Variants in ALCAM observed in about 807,000 individuals in gnomAD.
The protein encoded by ALCAM is activated leukocyte cell adhesion molecule.
Under a neutral mutation model 70.9 loss-of-function variants are expected in ALCAM, and 30 were observed. That is an observed-to-expected ratio of 0.42 (90% CI 0.32 to 0.57). ALCAM has a LOEUF of 0.57. Ranked by LOEUF, ALCAM falls within the 20% of genes least tolerant of loss-of-function variation. The pLI, the probability that ALCAM is intolerant of heterozygous loss-of-function variation, is 0.11. For missense variants in ALCAM, 591 were observed against 695.1 expected (o/e 0.85, Z 1.68); for synonymous variants, 249 against 242.5 (o/e 1.03, Z -0.25).
chr3:105,566,996 T>G (rs542101432), intron 14 of ALCAM, among the ~76,000 whole-genome samples: 2 of 152,292 alleles, frequency 1.3e-5, no homozygotes, highest in African/African-American at 4.8e-5. Context: ...GTCTTTCTTT[T>G]GCCTTTAAGT....
intron 1 of ALCAM, among the ~76,000 whole-genome samples, chr3:105,463,822 G>T (rs904548776): frequency 6.6e-6 from 1 of 151,328 alleles, no homozygotes; most frequent in Non-Finnish European, 1.5e-5. Context: ...TTTTGTTACA[G>T]TAGTATTTTC....
intron 7 of ALCAM, among the ~76,000 whole-genome samples, chr3:105,541,136 C>T (rs1210721300): frequency 2.0e-5 from 3 of 151,236 alleles, no homozygotes; most frequent in Non-Finnish European, 4.4e-5. Flanking sequence ...TTGTCATTTT[C>T]TTTTTTTCTT....
At chr3:105,553,661 C>A (rs1399120283) in intron 14 of ALCAM, among the ~76,000 whole-genome samples, 1 of 151,806 alleles carries the variant, frequency 6.6e-6, no homozygotes, top group African/African-American at 2.4e-5. Context: ...GAGGCAGAAG[C>A]TCTGAAATTT....
intron 1 of ALCAM, among the ~76,000 whole-genome samples, chr3:105,482,794 G>T (rs1164611137): frequency 6.6e-6 from 1 of 152,100 alleles, no homozygotes; most frequent in East Asian, 1.9e-4. Flanking sequence ...TTCAGGATTT[G>T]TGATTGAAAT....
At chr3:105,404,426 A>G (rs1000946409) in intron 1 of ALCAM, among the ~76,000 whole-genome samples, 2 of 152,158 alleles carry the variant, frequency 1.3e-5, no homozygotes, top group African/African-American at 4.8e-5. Flanking sequence ...TTGGGGTCCT[A>G]TTTTTAGCCT....
chr3:105,369,563 A>G lies in ALCAM; in HGVS notation c.73+2082A>G, dbSNP rs149943406. On this transcript the variant is annotated intron_variant, in intron 1 of 15. Transcript: ENST00000306107. ...ACAGCACTAAAGGCGCCGTGTCTAC[A>G]CTGAGGAAGCAAGTCTTGGACAGTA... is the stretch of plus-strand genomic sequence containing the variant. Among the ~76,000 whole-genome samples, 504 of 152,332 alleles carry G rather than the reference A, an allele frequency of 3.3e-3. 3 individuals are homozygous for G. Among genetic ancestry groups the G allele is most frequent in the African/African-American group, 0.011 (473 of 41,580 alleles).
rs1397200769 is a variant in ALCAM, at chr3:105,552,176, A to G, written c.1540A>G (p.Ile514Val). The G allele has an allele frequency of 6.2e-7, 1 of 1,604,564 alleles. No homozygotes were observed. Among genetic ancestry groups the G allele is most frequent in the Non-Finnish European group, 8.5e-7 (1 of 1,176,110 alleles). Residue 514 changes from isoleucine to valine, a missense_variant, in exon 13 of 16, where the codon ATA becomes GTA. Ile to Val is a conservative substitution (Grantham distance 29, BLOSUM62 3). Around this residue, in one of 2 missense-constraint regions of ALCAM, gnomAD observed 164 missense variants for 244.7 expected, o/e 0.67. Coordinates refer to ENST00000306107, the MANE Select transcript of ALCAM (RefSeq NM_001627.4). ...SIPEHDEADE[I>V]SDENREKVND... Reference sequence around the variant, plus strand: ...TCCAGAACACGATGAGGCAGACGAGATAAGTGGTAGGTACTATGCTGCCGA... The same window carrying G: ...TCCAGAACACGATGAGGCAGACGAGGTAAGTGGTAGGTACTATGCTGCCGA...
Position 105,495,850 on chromosome 3 carries a change from T to C in ALCAM, c.74-24217T>C, listed in dbSNP as rs150684716. The stretch of plus-strand genomic sequence containing the variant: ...TGTAGAATAGGTCTCAGTTAAATAA[T>C]GCACATGGATGTTTTCCAAAAGAAA... On this transcript the variant is annotated intron_variant, in intron 1 of 15. Transcript: ENST00000306107. Among the ~76,000 whole-genome samples the C allele has an allele frequency of 7.9e-5, 12 of 152,328 alleles. No individual in the cohort carries two copies. The East Asian group carries it at 2.3e-3, about 29-fold the overall frequency.
At chr3:105,517,603 A>G (rs577229256) in intron 1 of ALCAM, among the ~76,000 whole-genome samples, 1 of 152,082 alleles carries the variant, frequency 6.6e-6, no homozygotes, top group East Asian at 1.9e-4. Flanking sequence ...ATCAATCTTT[A>G]ATTTCTCTTT....
intron 1 of ALCAM, among the ~76,000 whole-genome samples, chr3:105,513,157 T>C (rs1452283014): frequency 6.6e-6 from 1 of 151,192 alleles, no homozygotes; most frequent in Non-Finnish European, 1.5e-5. Context: ...TTATCACCAC[T>C]TAAGGGCCTG....
chr3:105,549,908 G>C (rs1219306521), intron 11 of ALCAM, among the ~76,000 whole-genome samples: 1 of 151,254 alleles, frequency 6.6e-6, no homozygotes, highest in Non-Finnish European at 1.5e-5. Flanking sequence ...TTAATTATTA[G>C]AATTCACAAA....
intron 1 of ALCAM, among the ~76,000 whole-genome samples, chr3:105,373,290 T>A (rs1203135446): frequency 6.6e-6 from 1 of 152,136 alleles, no homozygotes; most frequent in Admixed American, 6.5e-5. Context: ...GATTGGAACT[T>A]GTAATTAAAA....
intron 14 of ALCAM, among the ~76,000 whole-genome samples, chr3:105,565,879 A>C (rs987292991): frequency 6.6e-6 from 1 of 152,080 alleles, no homozygotes; most frequent in South Asian, 2.1e-4. Flanking sequence ...CTTTCCTGCA[A>C]TTTTCATCAT....
At chr3:105,442,357 T>G (rs896613172) in intron 1 of ALCAM, among the ~76,000 whole-genome samples, 1 of 152,234 alleles carries the variant, frequency 6.6e-6, no homozygotes. Context: ...TAAATTTTTA[T>G]ACATATTTAT....
At chr3:105,473,795 C>T (rs1437358185) in intron 1 of ALCAM, among the ~76,000 whole-genome samples, 1 of 151,576 alleles carries the variant, frequency 6.6e-6, no homozygotes, top group Non-Finnish European at 1.5e-5. Context: ...CCACTCTAAC[C>T]CACTGAAGTC....
intron 3 of ALCAM, among the ~76,000 whole-genome samples, chr3:105,527,309 G>GACCCAGAGA (rs1462279399): frequency 6.6e-6 from 1 of 152,122 alleles, no homozygotes; most frequent in African/African-American, 2.4e-5. Context: ...GAAGGCTGTT[G>GACCCAGAGA]GTGAGATGGA....
chr3:105,379,064 A>G (rs1935447981), intron 1 of ALCAM, among the ~76,000 whole-genome samples: 2 of 151,998 alleles, frequency 1.3e-5, no homozygotes, highest in Non-Finnish European at 2.9e-5. Context: ...GGATCAGAGC[A>G]TGAGTTTGCT....
At chr3:105,490,339 G>A (rs573079811) in intron 1 of ALCAM, among the ~76,000 whole-genome samples, 27 of 152,178 alleles carry the variant, frequency 1.8e-4, no homozygotes, top group African/African-American at 2.2e-4. Flanking sequence ...AGCTTTAACC[G>A]TTAAGGAAAG....
chr3:105,379,430 C>T (rs1306793905), intron 1 of ALCAM, among the ~76,000 whole-genome samples: 1 of 150,958 alleles, frequency 6.6e-6, no homozygotes, highest in African/African-American at 2.4e-5. Flanking sequence ...TCAGGAAAAA[C>T]AAAAGAACAT....
Sources: allele counts gnomAD v4.1 joint callset (sites outside exome capture counted in the v4.1 genomes callset), GRCh38; gene constraint gnomAD v4.1.1; regional missense constraint gnomAD v4.1.1; transcripts MANE v1.5; gene names NCBI Gene and HGNC (gene_info 2026-07-23, HGNC 2026-07-21).